ANKHD1: variants seen among roughly 807,000 people sequenced by gnomAD.
ANKHD1 encodes ankyrin repeat and KH domain containing 1.
A neutral mutation model predicts 230.5 loss-of-function variants in ANKHD1; 31 were observed. The ratio of observed to expected loss-of-function variants is 0.13; its 90% confidence interval spans 0.10 to 0.18. The LOEUF (loss-of-function observed/expected upper bound fraction) is 0.18, where lower values mean the gene tolerates loss of function less well. Ranked by LOEUF, ANKHD1 falls within the 10% of genes least tolerant of loss-of-function variation. ANKHD1 has a pLI of 1.00. For synonymous variants in ANKHD1, 1,074 were observed against 1,117.6 expected, an observed-to-expected ratio of 0.96 and a Z score of 0.78; for missense variants, 2,256 against 3,071.3, an observed-to-expected ratio of 0.73 and a Z score of 6.27.
chr5:140,472,575 T>G, intron 10 of ANKHD1: 1 of 614,326 alleles, frequency 1.6e-6, no homozygotes. Flanking sequence ...ACATTCTCCT[T>G]TATTGGGAGA....
At chr5:140,421,226 T>A (rs1206654080) in intron 1 of ANKHD1, among the ~76,000 whole-genome samples, 1 of 152,140 alleles carries the variant, frequency 6.6e-6, no homozygotes, top group Non-Finnish European at 1.5e-5. Context: ...TGGACAGAAT[T>A]TCTTTTTCCA....
rs943961513 is a variant in ANKHD1, at chr5:140,496,904, G to T, written c.2630G>T (p.Gly877Val). ...CTACACCAACAGTGCTCTCATAGAG[G>T]AGTCTTCCCAGAAGGGGAAGGAGAT... ...VSLHQQCSHR[G>V]VFPEGEGDGS... Residue 877 changes from glycine to valine, a missense_variant, in exon 15 of 34, where the codon GGA becomes GTA. Gly to Val is a moderately radical substitution (Grantham distance 109). This residue lies in a region of ANKHD1 where 358 missense variants were observed against 397.7 expected (regional missense o/e 0.90). Transcript: ENST00000360839. 1.9e-6 allele frequency: 3 copies of T among 1,614,206 alleles called. No homozygotes were observed. The highest frequency in any genetic ancestry group is 1.7e-6 in the Non-Finnish European group (2 of 1,180,040).
Position 140,539,513 on chromosome 5 carries a change from C to G in ANKHD1, c.*95C>G. ...TTTTAATGTGCCTAAGAAATTTTCT[C>G]TGAGGCTTTAGCAATGGAAATTTGA... On this transcript the variant is annotated 3_prime_UTR_variant, in exon 34 of 34. Transcript: ENST00000360839. 7.2e-7 allele frequency: 1 copy of G among 1,394,470 alleles called. No homozygotes were observed. Among genetic ancestry groups the G allele is most frequent in the South Asian group, 1.3e-5 (1 of 75,510 alleles). The allele number at this position is 1,394,470 out of a possible 1,614,324, so 86.4% of individuals were successfully genotyped here. A position where few individuals can be genotyped will look rare whatever the true frequency, so the allele number is the denominator to read the frequency against.
chr5:140,489,439 A>G (rs986427318), intron 14 of ANKHD1, among the ~76,000 whole-genome samples: 3 of 152,020 alleles, frequency 2.0e-5, no homozygotes, highest in African/African-American at 7.2e-5. Context: ...GCAGTGAGCT[A>G]TGATTGTACC....
At chr5:140,533,775 CAAAAAAAA>C (rs1167136822) in intron 29 of ANKHD1, among the ~76,000 whole-genome samples, 2 of 29,662 alleles carry the variant, frequency 6.7e-5, no homozygotes, top group Non-Finnish European at 7.5e-5. Context: ...GACCCTGTCT[CAAAAAAAA>C]AAAAAAAAAA....
At chr5:140,510,543 CTT>C (rs2127059721) in intron 22 of ANKHD1, among the ~76,000 whole-genome samples, 1 of 151,652 alleles carries the variant, frequency 6.6e-6, no homozygotes, top group Admixed American at 6.6e-5. Context: ...AAACTCCTGA[CTT>C]TGTGATCTGC....
At chr5:140,422,971 G>C (rs925555369) in intron 1 of ANKHD1, among the ~76,000 whole-genome samples, 2 of 151,662 alleles carry the variant, frequency 1.3e-5, no homozygotes, top group African/African-American at 4.8e-5. Flanking sequence ...TACCTCCTGG[G>C]TTCAAGCAAT....
Position 140,402,139 on chromosome 5 carries a change from A to G in ANKHD1, c.172A>G (p.Ser58Gly), listed in dbSNP as rs1769992223. The change falls in exon 1 of 34, where the codon AGC (serine) becomes GGC (glycine). Residue 58 changes from serine (S) to glycine (G), a missense_variant. This residue lies in a region of ANKHD1 where 193 missense variants were observed against 185.8 expected (regional missense o/e 1.04). Transcript: ENST00000360839. ...GGCCGGGCCAGCGTCGGGAGTCGGCAGCAGCGGCGGCGGCGGCAGCGGCAG... is the reference window on the plus strand; with the variant it reads ...GGCCGGGCCAGCGTCGGGAGTCGGCGGCAGCGGCGGCGGCGGCAGCGGCAG... ...GEAGPASGVG[S>G]SGGGGSGSGT... 2 of 1,546,942 alleles carry G rather than the reference A, an allele frequency of 1.3e-6. No individual in the cohort carries two copies. Among genetic ancestry groups the G allele is most frequent in the Non-Finnish European group, 1.7e-6 (2 of 1,150,848 alleles).
chr5:140,428,308 G>A (rs1772712788), intron 1 of ANKHD1, among the ~76,000 whole-genome samples: 2 of 152,192 alleles, frequency 1.3e-5, no homozygotes, highest in African/African-American at 4.8e-5. Flanking sequence ...AGGTTGCAGC[G>A]AGCCGAGATC....
Position 140,496,996 on chromosome 5 carries a change from G to A in ANKHD1, c.2722G>A (p.Asp908Asn). Residue 908 changes from aspartate (D) to asparagine (N), a missense_variant, in exon 15 of 34, where the codon GAT becomes AAT. By Grantham distance (23) the Asp-to-Asn change is conservative. Transcript: ENST00000360839. ...TGACACAATCTTATTTAAAGATAAT[G>A]ATGTTGATGATGAGCAACAGTCTCC... ...QVDTILFKDN[D>N]VDDEQQSPPS... The A allele has an allele frequency of 6.2e-7, 1 of 1,614,170 alleles. No individual in the cohort carries two copies. The highest frequency in any genetic ancestry group is 8.5e-7 in the Non-Finnish European group (1 of 1,180,026).
chr5:140,512,060 TC>T (rs1752794111), intron 22 of ANKHD1, among the ~76,000 whole-genome samples: 2 of 151,714 alleles, frequency 1.3e-5, no homozygotes, highest in Admixed American at 1.3e-4. Flanking sequence ...ACATGGTAAA[TC>T]CCCGTCTCTA....
At chr5:140,523,661 A>C (rs1753468353) in intron 24 of ANKHD1, among the ~76,000 whole-genome samples, 1 of 151,742 alleles carries the variant, frequency 6.6e-6, no homozygotes, top group Admixed American at 6.6e-5. Flanking sequence ...CCCAGGTTCA[A>C]GTGATTGTCC....
intron 10 of ANKHD1, among the ~76,000 whole-genome samples, chr5:140,476,055 A>T (rs1364113924): frequency 6.6e-5 from 10 of 152,206 alleles, no homozygotes; most frequent in Admixed American, 5.9e-4. Flanking sequence ...CGTATTAAGA[A>T]CAGGTGGATA....
rs1265252928 is a variant in ANKHD1, at chr5:140,516,448, A to G, written c.4317+2969A>G. 2.0e-5 allele frequency among the ~76,000 whole-genome samples: 3 copies of G among 152,344 alleles called. No individual in the cohort carries two copies. In the South Asian group the frequency reaches 6.2e-4, roughly 32 times the overall value. ...CGATTCAGGAAATACAGAGAACGCC[A>G]CAAAGATACTCCTCGAGAAGAGCGA... is the stretch of plus-strand genomic sequence containing the variant. On this transcript the variant is annotated intron_variant, in intron 24 of 33. Transcript: ENST00000360839.
intron 29 of ANKHD1, 26 bp from the exon 30 acceptor site, chr5:140,535,336 G>GCTA: frequency 6.5e-7 from 1 of 1,531,730 alleles, no homozygotes; most frequent in Non-Finnish European, 8.8e-7. Context: ...TAGCTAATTG[G>GCTA]ATGTCTTGGA....
chr5:140,435,292 G>A (rs555889068), intron 1 of ANKHD1, among the ~76,000 whole-genome samples: 2 of 151,172 alleles, frequency 1.3e-5, no homozygotes, highest in South Asian at 4.2e-4. Flanking sequence ...TGTTGTTGTT[G>A]TTGTTGTTGT....
chr5:140,478,886 C>G (rs749116404), intron 10 of ANKHD1, among the ~76,000 whole-genome samples: 1 of 152,110 alleles, frequency 6.6e-6, no homozygotes, highest in Non-Finnish European at 1.5e-5. Context: ...TCAGGTGATC[C>G]GCCTGCCTCG....
chr5:140,449,400 C>A, intron 7 of ANKHD1, 95 bp downstream of exon 7: 1 of 1,392,984 alleles, frequency 7.2e-7, no homozygotes. Flanking sequence ...TGCGGTGGCT[C>A]ACGCCTGTAA....
Position 140,529,574 on chromosome 5 carries a change from T to G in ANKHD1, c.6628T>G (p.Phe2210Val). The change falls in exon 29 of 34, where the codon TTC becomes GTC. Residue 2210 changes from phenylalanine (F) to valine (V), a missense_variant. By Grantham distance (50) the Phe-to-Val change is conservative. Coordinates refer to ENST00000360839, the MANE Select transcript of ANKHD1 (RefSeq NM_017747.3). Reference sequence around the variant, plus strand: ...ACCTACATTTGGCCCAGCCACACTTTTCAATCACTTCAGCAGTCTTTTTGA... The same window carrying G: ...ACCTACATTTGGCCCAGCCACACTTGTCAATCACTTCAGCAGTCTTTTTGA... ...LPPTFGPATL[F>V]NHFSSLFDSS... 2.5e-6 allele frequency: 4 copies of G among 1,614,214 alleles called. No homozygotes were observed. Among genetic ancestry groups the G allele is most frequent in the Non-Finnish European group, 3.4e-6 (4 of 1,180,034 alleles).
Sources: gnomAD v4.1 joint callset for allele counts (sites outside exome capture counted in the v4.1 genomes callset) on GRCh38, gnomAD v4.1.1 for gene constraint, gnomAD v4.1.1 regional missense constraint, MANE v1.5 for transcripts, NCBI Gene and HGNC (gene_info 2026-07-23, HGNC 2026-07-21) for gene names.